The following CLPX variants were observed in gnomAD, a reference collection of about 807,000 sequenced individuals.
CLPX encodes the protein ATP-dependent clpX-like chaperone, mitochondrial.
Under a neutral mutation model 76.4 loss-of-function variants are expected in CLPX, and 34 were observed. The observed-to-expected ratio is 0.45, with a 90% CI of 0.34 to 0.59. The LOEUF (loss-of-function observed/expected upper bound fraction) is 0.59. Ranked by LOEUF, CLPX falls within the 20% of genes least tolerant of loss-of-function variation. The pLI, the probability that CLPX is intolerant of heterozygous loss-of-function variation, is 0.01. For synonymous variants in CLPX, 248 were observed against 270.9 expected, an observed-to-expected ratio of 0.92 and a Z score of 0.83; for missense variants, 613 against 757.0, an observed-to-expected ratio of 0.81 and a Z score of 2.23.
intron 4 of CLPX, 136 bp downstream of exon 4, chr15:65,166,495 C>A: frequency 1.1e-6 from 1 of 886,448 alleles, no homozygotes; most frequent in Non-Finnish European, 1.7e-6. Context: ...AACAATTTAG[C>A]CACATATGGT....
intron 8 of CLPX, 124 bp from the exon 9 acceptor site, chr15:65,157,056 T>C (rs2087799088): frequency 1.7e-6 from 1 of 595,474 alleles, no homozygotes; most frequent in African/African-American, 1.9e-5. Flanking sequence ...ACATATCCAA[T>C]AGCTTGACAT....
intron 1 of CLPX, among the ~76,000 whole-genome samples, chr15:65,182,435 TTAAA>T (rs2088188041): frequency 6.6e-6 from 1 of 152,180 alleles, no homozygotes; most frequent in African/African-American, 2.4e-5. Context: ...ACAAGCAAAA[TTAAA>T]TAAGATCTAA....
chr15:65,183,475 A>G (rs1407652454), intron 1 of CLPX, among the ~76,000 whole-genome samples: 1 of 150,794 alleles, frequency 6.6e-6, no homozygotes, highest in Non-Finnish European at 1.5e-5. Context: ...AAAAAAAAAA[A>G]AAAAAAAGAA....
At chr15:65,180,951 TC>T (rs906368843) in intron 1 of CLPX, among the ~76,000 whole-genome samples, 13 of 150,300 alleles carry the variant, frequency 8.6e-5, no homozygotes, top group Non-Finnish European at 1.5e-5. Context: ...CTTCAAATGT[TC>T]TTTAAGGTCA....
chr15:65,165,653 G>A (rs1326757427), intron 4 of CLPX, among the ~76,000 whole-genome samples: 1 of 151,946 alleles, frequency 6.6e-6, no homozygotes, highest in Non-Finnish European at 1.5e-5. Context: ...CCAAAGTGCT[G>A]GGATTACAGG....
At position 65,165,075 on chromosome 15, in the gene CLPX, G is replaced by A. The variant is rs978406806; in HGVS notation, c.514-887C>T. On this transcript the variant is annotated intron_variant, in intron 4 of 13. Coordinates refer to ENST00000300107, the MANE Select transcript of CLPX (RefSeq NM_006660.5). ...ACTCCTGCCGGGCTTGGTGGCTCAC[G>A]GCTGTAATCCCTGCACTTTGGGAGG... Among the ~76,000 whole-genome samples the A allele has an allele frequency of 3.9e-5, 6 of 152,086 alleles. No homozygotes were observed. In the East Asian group the frequency reaches 5.8e-4, roughly 15 times the overall value.
At chr15:65,163,046 A>T (rs997974972) in intron 5 of CLPX, among the ~76,000 whole-genome samples, 27 of 152,150 alleles carry the variant, frequency 1.8e-4, no homozygotes, top group Non-Finnish European at 1.0e-4. Context: ...ATAAAAATGA[A>T]GATTTCAGGC....
At chr15:65,167,470 T>A (rs548128350) in intron 3 of CLPX, among the ~76,000 whole-genome samples, 1 of 152,328 alleles carries the variant, frequency 6.6e-6, no homozygotes, top group Non-Finnish European at 1.5e-5. Context: ...ACAAGATTCA[T>A]ATATTTTTCC....
intron 6 of CLPX, among the ~76,000 whole-genome samples, chr15:65,160,619 T>TCACA (rs1241366233): frequency 1.8e-4 from 24 of 132,734 alleles, no homozygotes; most frequent in African/African-American, 6.6e-4. Context: ...TCTCTCTCTC[T>TCACA]CTCTCACACA....
In CLPX at chr15:65,159,133, T is replaced by G. The variant is rs554582870; in HGVS notation, c.716-382A>C. Among the ~76,000 whole-genome samples the G allele has an allele frequency of 1.2e-4, 18 of 152,328 alleles. No individual in the cohort carries two copies. The East Asian group carries it at 3.5e-3, about 29-fold the overall frequency. ...GATCTAGGGCAAGTCATATAAACTTTATGTTCCTGTTTCCTAATCAATAAA... is the reference window on the plus strand; with the variant it reads ...GATCTAGGGCAAGTCATATAAACTTGATGTTCCTGTTTCCTAATCAATAAA... On this transcript the variant is annotated intron_variant, in intron 6 of 13. Coordinates refer to ENST00000300107, the MANE Select transcript of CLPX (RefSeq NM_006660.5).
chr15:65,178,361 AAAG>A (rs1288063838), intron 3 of CLPX, among the ~76,000 whole-genome samples: 3 of 152,236 alleles, frequency 2.0e-5, no homozygotes, highest in Non-Finnish European at 4.4e-5. Context: ...TAAGCAAAAT[AAAG>A]AAGCAAATGT....
intron 6 of CLPX, among the ~76,000 whole-genome samples, chr15:65,160,621 T>TCACACACACA (rs759420054): frequency 1.6e-4 from 20 of 128,562 alleles, no homozygotes; most frequent in African/African-American, 6.2e-4. Context: ...TCTCTCTCTC[T>TCACACACACA]CTCACACACA....
chr15:65,185,308 G>A lies in CLPX; in HGVS notation c.-155C>T. On this transcript the variant is annotated 5_prime_UTR_variant, in exon 1 of 14. Coordinates refer to ENST00000300107, the MANE Select transcript of CLPX (RefSeq NM_006660.5). Reference sequence around the variant, plus strand: ...ACCTGCCCGGCAGCCAGGCCTTCACGCTTCTCTGCCCCACAGCCGTCTATT... The same window carrying A: ...ACCTGCCCGGCAGCCAGGCCTTCACACTTCTCTGCCCCACAGCCGTCTATT... The A allele has an allele frequency of 1.6e-6, 1 of 612,510 alleles. No individual in the cohort carries two copies. 37.9% of individuals were successfully genotyped at this position (612,510 alleles called of 1,614,324 possible).
At chr15:65,185,052 C>T (rs767141060) in intron 1 of CLPX, 23 bp downstream of exon 1, 2 of 1,514,146 alleles carry the variant, frequency 1.3e-6, no homozygotes, top group African/African-American at 1.4e-5. Flanking sequence ...GCTGAGGGCT[C>T]AGGAGTGGCA....
At position 65,152,481 on chromosome 15, in the gene CLPX, A is replaced by G. The variant is rs780883206; in HGVS notation, c.1760T>C (p.Val587Ala). 1.3e-6 allele frequency: 2 copies of G among 1,562,148 alleles called. No individual in the cohort carries two copies. Among genetic ancestry groups the G allele is most frequent in the East Asian group, 2.4e-5 (1 of 42,200 alleles). Residue 587 changes from valine (V) to alanine (A), a missense_variant, in exon 13 of 14, where the codon GTG becomes GCG. Physicochemically the swap from Val to Ala is moderately conservative, Grantham distance 64 (BLOSUM62 0). Transcript: ENST00000300107. ...TTCTACTACTTCTTTGTCAACCTCC[A>G]CACATACGATATCAGAATTAGGGAC... ...FEVPNSDIVC[V>A]EVDKEVVEGK...
intron 3 of CLPX, among the ~76,000 whole-genome samples, chr15:65,175,072 A>G (rs1345258594): frequency 1.3e-5 from 2 of 152,254 alleles, no homozygotes; most frequent in Non-Finnish European, 2.9e-5. Flanking sequence ...CAAGTAATTA[A>G]AAATAATTAA....
At chr15:65,155,242 A>G (rs930327608) in intron 10 of CLPX, among the ~76,000 whole-genome samples, 161 bp from the exon 11 acceptor site, 1 of 152,194 alleles carries the variant, frequency 6.6e-6, no homozygotes, top group Non-Finnish European at 1.5e-5. Flanking sequence ...AGAGAGTTTA[A>G]TATCTTGACC....
Position 65,152,495 on chromosome 15 carries a change from A to G in CLPX, c.1746T>C (p.Ser582=), listed in dbSNP as rs775590468. 4.5e-6 allele frequency: 7 copies of G among 1,550,262 alleles called. No homozygotes were observed. The highest frequency in any genetic ancestry group is 6.1e-6 in the Non-Finnish European group (7 of 1,149,460). ...LLEPMFEVPN[S]DIVCVEVDKE... ...TGTCAACCTCCACACATACGATATC[A>G]GAATTAGGGACTTCAAACATTGGTT... is the stretch of plus-strand genomic sequence containing the variant. The change falls in exon 13 of 14, where the codon TCT becomes TCC. Residue 582 remains serine, a synonymous_variant. Transcript: ENST00000300107.
Position 65,155,853 on chromosome 15 carries a change from A to C in CLPX, c.1150T>G (p.Leu384Val). ...ATTGTGCCTTCTAGTAGTTTTAATA[A>C]GCCCTAAATAAAGAACAAATGATTT... The part of the protein sequence containing the change: ...DVGGEGVQQG[L>V]LKLLEGTIVN... The change falls in exon 10 of 14, where the codon TTA becomes GTA. Residue 384 changes from leucine (L) to valine (V), a missense_variant. Around this residue, in one of 2 missense-constraint regions of CLPX, gnomAD observed 450 missense variants for 638.6 expected, o/e 0.70. Coordinates refer to ENST00000300107, the MANE Select transcript of CLPX (RefSeq NM_006660.5). 6.2e-7 allele frequency: 1 copy of C among 1,610,954 alleles called. No homozygotes were observed. The highest frequency in any genetic ancestry group is 8.5e-7 in the Non-Finnish European group (1 of 1,177,806).
Sources: allele counts gnomAD v4.1 joint callset (sites outside exome capture counted in the v4.1 genomes callset), GRCh38; gene constraint gnomAD v4.1.1; regional missense constraint gnomAD v4.1.1; transcripts MANE v1.5; gene names NCBI Gene and HGNC (gene_info 2026-07-23, HGNC 2026-07-21).